Variants in RGS12 observed in about 807,000 individuals in gnomAD.
The protein encoded by RGS12 is regulator of G-protein signaling 12.
Under a neutral mutation model 120.1 loss-of-function variants are expected in RGS12, and 66 were observed. The observed-to-expected ratio is 0.55, with a 90% CI of 0.45 to 0.67. RGS12 has a LOEUF of 0.67. Ranked by LOEUF, RGS12 falls within the 30% of genes least tolerant of loss-of-function variation. RGS12 has a pLI of 0.00. For synonymous variants in RGS12, 827 were observed against 804.7 expected, an observed-to-expected ratio of 1.03 and a Z score of -0.47; for missense variants, 1,859 against 1,957.7, an observed-to-expected ratio of 0.95 and a Z score of 0.95.
chr4:3,384,015 A>G (rs1488766456), intron 3 of RGS12, among the ~76,000 whole-genome samples: 1 of 152,224 alleles, frequency 6.6e-6, no homozygotes, highest in Admixed American at 6.5e-5. Context: ...TGAGCGTGAC[A>G]TGAAGTGAAA....
chr4:3,344,859 CT>C (rs1036957281), intron 3 of RGS12, among the ~76,000 whole-genome samples: 2 of 152,220 alleles, frequency 1.3e-5, no homozygotes, highest in Non-Finnish European at 2.9e-5. Context: ...GCTGCCTGTC[CT>C]TTTCTGTGTG....
At chr4:3,392,127 C>T (rs1265535691) in intron 4 of RGS12, among the ~76,000 whole-genome samples, 2 of 152,082 alleles carry the variant, frequency 1.3e-5, no homozygotes, top group Non-Finnish European at 2.9e-5. Flanking sequence ...GAAGTAGATC[C>T]TGAGTGTGGG....
chr4:3,390,494 C>T lies in RGS12; in HGVS notation c.2020+4057C>T, dbSNP rs951731467. On this transcript the variant is annotated intron_variant, in intron 4 of 17. Transcript: ENST00000336727. This position sits in a 1 kb window ranked among gnomAD's most constrained non-coding sequence, Gnocchi z 4.6. ...ATTTTCCTTTTAGTCGTGAAACCTT[C>T]TCAAAAAGCACACACAAGCACAGAA... Among the ~76,000 whole-genome samples the T allele has an allele frequency of 1.3e-5, 2 of 152,238 alleles. No individual in the cohort carries two copies. Among genetic ancestry groups the T allele is most frequent in the South Asian group, 4.1e-4 (2 of 4,832 alleles).
At chr4:3,304,497 T>C (rs1049824440) in intron 1 of RGS12, among the ~76,000 whole-genome samples, 2 of 152,218 alleles carry the variant, frequency 1.3e-5, no homozygotes, top group South Asian at 2.1e-4. Context: ...GGGGCTGCAC[T>C]GTAGAGCCCG....
At chr4:3,400,706 G>A (rs28532840) in intron 4 of RGS12, among the ~76,000 whole-genome samples, 11,235 of 148,456 alleles carry the variant, frequency 0.076, 1,084 homozygotes, top group African/African-American at 0.23. Context: ...AATACTAATT[G>A]CTTATTAGTA....
chr4:3,370,106 TGGCAAGCCACA>T, intron 3 of RGS12: 1 of 1,381,278 alleles, frequency 7.2e-7, no homozygotes, highest in Non-Finnish European at 9.4e-7. Context: ...TCTGAAACCC[TGGCAAGCCACA>T]GCTTCCTGCA....
chr4:3,384,648 C>G (rs1256726579), intron 3 of RGS12, among the ~76,000 whole-genome samples: 1 of 152,252 alleles, frequency 6.6e-6, no homozygotes, highest in Non-Finnish European at 1.5e-5. Context: ...CTTTCCCCTT[C>G]CTGGCCAATG....
intron 6 of RGS12, among the ~76,000 whole-genome samples, chr4:3,415,101 A>AGGTCGCGTGTGAGAG: frequency 1.6e-5 from 1 of 63,626 alleles, no homozygotes; most frequent in Non-Finnish European, 3.1e-5. Context: ...GGCGTGTGAG[A>AGGTCGCGTGTGAGAG]GGTCGCGTGT....
intron 3 of RGS12, among the ~76,000 whole-genome samples, chr4:3,348,124 T>A (rs1406409020): frequency 6.6e-6 from 1 of 152,190 alleles, no homozygotes; most frequent in Non-Finnish European, 1.5e-5. Flanking sequence ...AAAGATTTAA[T>A]TTAGAATTTA....
chr4:3,386,315 C>G, intron 3 of RGS12, 101 bp from the exon 4 acceptor site: 2 of 1,151,390 alleles, frequency 1.7e-6, no homozygotes, highest in Middle Eastern at 1.9e-4. Flanking sequence ...CTCTGAGAAC[C>G]TCCCAGAGTC....
chr4:3,431,110 T>C, intron 17 of RGS12, 155 bp downstream of exon 17: 2 of 1,438,644 alleles, frequency 1.4e-6, no homozygotes, highest in South Asian at 2.9e-5. Flanking sequence ...CTTGGCCCTC[T>C]TGGAAAGGAG....
At chr4:3,384,417 G>C (rs1459096926) in intron 3 of RGS12, among the ~76,000 whole-genome samples, 1 of 152,220 alleles carries the variant, frequency 6.6e-6, no homozygotes, top group Non-Finnish European at 1.5e-5. Context: ...GCTTCCCAAA[G>C]TGCTGGGATT....
At position 3,357,988 on chromosome 4, in the gene RGS12, G is replaced by A. The variant is rs184041958; in HGVS notation, c.1998+14935G>A. ...ATCAAGTCTGTCCATCCATCAACAT[G>A]GGATATGTTATATTTACTTATGTCT... On this transcript the variant is annotated intron_variant, in intron 3 of 17. Transcript: ENST00000336727. Among the ~76,000 whole-genome samples, 14 of 152,230 alleles carry A rather than the reference G, an allele frequency of 9.2e-5. No individual in the cohort carries two copies. In the East Asian group the frequency reaches 2.7e-3, roughly 29 times the overall value.
At chr4:3,301,717 A>T (rs1047359973) in intron 1 of RGS12, among the ~76,000 whole-genome samples, 2 of 150,368 alleles carry the variant, frequency 1.3e-5, no homozygotes, top group African/African-American at 2.5e-5. Flanking sequence ...CCTGTCCTTT[A>T]CCTGCCACTG....
intron 4 of RGS12, among the ~76,000 whole-genome samples, chr4:3,406,535 G>A (rs1378167450): frequency 6.6e-6 from 1 of 152,242 alleles, no homozygotes; most frequent in Non-Finnish European, 1.5e-5. Flanking sequence ...TGAAGTGTCA[G>A]TGGGATGGCC....
rs1372092952 is a variant in RGS12, at chr4:3,423,651, G to T, written c.3234+10G>T. On this transcript the variant is annotated intron_variant, in intron 13 of 17. Coordinates refer to ENST00000336727, the MANE Select transcript of RGS12 (RefSeq NM_001394154.1). ...CCTGCTGGTGAGGCTGGTGAGTGTTGCACGGGGCCCGGGCGTCGTCACCGC... is the reference window on the plus strand; with the variant it reads ...CCTGCTGGTGAGGCTGGTGAGTGTTTCACGGGGCCCGGGCGTCGTCACCGC... The T allele has an allele frequency of 3.1e-6, 5 of 1,601,278 alleles. No homozygotes were observed. In the East Asian group the frequency reaches 1.1e-4, roughly 36 times the overall value.
chr4:3,413,284 A>G (rs1384705360), intron 4 of RGS12: 1 of 152,288 alleles, frequency 6.6e-6, no homozygotes, highest in African/African-American at 2.4e-5. Flanking sequence ...TCGAGAGCTC[A>G]GGAGATACTG....
intron 3 of RGS12, among the ~76,000 whole-genome samples, chr4:3,343,655 C>T (rs1713488137): frequency 6.6e-6 from 1 of 152,022 alleles, no homozygotes; most frequent in Non-Finnish European, 1.5e-5. Context: ...CCCGTGCTGT[C>T]CTCTCTGTGG....
Position 3,372,338 on chromosome 4 carries a change from G to A in RGS12, c.1999-14078G>A, listed in dbSNP as rs1052269548. 1.3e-5 allele frequency among the ~76,000 whole-genome samples: 2 copies of A among 152,212 alleles called. No homozygotes were observed. Among genetic ancestry groups the A allele is most frequent in the Non-Finnish European group, 2.9e-5 (2 of 68,042 alleles). ...TCAGCCAGCCTGTGGCTGTCACAGG[G>A]TCCTGGGTGGGACTTTCCGGGGCAG... is the stretch of plus-strand genomic sequence containing the variant. On this transcript the variant is annotated intron_variant, in intron 3 of 17. Coordinates refer to ENST00000336727, the MANE Select transcript of RGS12 (RefSeq NM_001394154.1). The surrounding 1 kb of genome is among the most constrained non-coding windows in gnomAD (Gnocchi z 4.3).
Sources: allele counts gnomAD v4.1 joint callset (sites outside exome capture counted in the v4.1 genomes callset), GRCh38; gene constraint gnomAD v4.1.1; non-coding constraint Gnocchi (gnomAD v3.1); transcripts MANE v1.5; gene names NCBI Gene and HGNC (gene_info 2026-07-23, HGNC 2026-07-21).